The following MCHR2 variants were observed in gnomAD, a reference collection of about 807,000 sequenced individuals.
MCHR2 encodes melanin concentrating hormone receptor 2, also known as melanin-concentrating hormone receptor 2.
MCHR2 carries 15 observed loss-of-function variants against 24.8 expected under a neutral mutation model. The observed-to-expected ratio is 0.60, with a 90% confidence interval of 0.40 to 0.93. The LOEUF (loss-of-function observed/expected upper bound fraction) is 0.93. Among genes scored for constraint, MCHR2 ranks in the 40% least tolerant of loss-of-function variants. MCHR2 has a pLI of 0.00. For synonymous variants in MCHR2, 151 were observed against 147.6 expected (o/e 1.02, Z -0.17); for missense variants, 386 against 408.7 (o/e 0.94, Z 0.48).
chr6:99,970,418 T>A (rs966812055), intron 1 of MCHR2, among the ~76,000 whole-genome samples: 4 of 152,226 alleles, frequency 2.6e-5, no homozygotes, highest in African/African-American at 9.6e-5. Flanking sequence ...TTTGTTTTTT[T>A]CTTGTAAATT....
chr6:99,968,211 A>T (rs1192063064), intron 1 of MCHR2, among the ~76,000 whole-genome samples: 1 of 152,156 alleles, frequency 6.6e-6, no homozygotes, highest in Non-Finnish European at 1.5e-5. Context: ...TGAGTTGTGA[A>T]CCAAGACAGG....
At chr6:99,946,632 C>A (rs1337113298) in intron 3 of MCHR2, among the ~76,000 whole-genome samples, 1 of 152,006 alleles carries the variant, frequency 6.6e-6, no homozygotes, top group Non-Finnish European at 1.5e-5. Context: ...ATTGGTGGAC[C>A]AAGACCCTGC....
chr6:99,923,890 T>G (rs902744034), intron 5 of MCHR2, among the ~76,000 whole-genome samples: 3 of 152,126 alleles, frequency 2.0e-5, no homozygotes, highest in Non-Finnish European at 4.4e-5. Context: ...TTGTTGTGTC[T>G]TTGTCTGATT....
chr6:99,959,065 A>C (rs1775126417), intron 1 of MCHR2, among the ~76,000 whole-genome samples: 2 of 152,038 alleles, frequency 1.3e-5, no homozygotes, highest in Non-Finnish European at 2.9e-5. Context: ...GCATATATGC[A>C]GTGTTCTGGC....
At chr6:99,973,898 T>C (rs1192462679) in intron 1 of MCHR2, among the ~76,000 whole-genome samples, 1 of 152,232 alleles carries the variant, frequency 6.6e-6, no homozygotes, top group Non-Finnish European at 1.5e-5. Context: ...CCCACTCTCT[T>C]CTGGCTTGTA....
chr6:99,957,939 C>G (rs560521662), intron 1 of MCHR2, among the ~76,000 whole-genome samples: 1 of 152,082 alleles, frequency 6.6e-6, no homozygotes, highest in Admixed American at 6.6e-5. Flanking sequence ...AGATTCAATG[C>G]AATTCCAATA....
At chr6:99,940,845 T>C (rs192966164) in intron 4 of MCHR2, among the ~76,000 whole-genome samples, 7 of 152,110 alleles carry the variant, frequency 4.6e-5, no homozygotes, top group African/African-American at 1.7e-4. Context: ...AAAGGAGATA[T>C]CCCGGAGGTG....
rs756955761 is a variant in MCHR2 at position 99,943,036 on chromosome 6, G to A, written c.500C>T (p.Pro167Leu). 3 of 1,613,202 alleles carry A rather than the reference G, an allele frequency of 1.9e-6. No individual in the cohort carries two copies. The highest frequency in any genetic ancestry group is 2.5e-6 in the Non-Finnish European group (3 of 1,179,410). ...LWAASFILAL[P>L]VWVYSKVIKF... ...GATGACCTTCGAGTAGACCCAGACA[G>A]GCAATGCCAGGATAAAGGAAGCTGC... The change falls in exon 4 of 6, where the codon CCT becomes CTT. Residue 167 changes from proline to leucine, a missense_variant. Transcript: ENST00000281806.
intron 3 of MCHR2, among the ~76,000 whole-genome samples, chr6:99,944,107 AG>A (rs1381835603): frequency 7.2e-5 from 11 of 152,340 alleles, no homozygotes; most frequent in Middle Eastern, 3.4e-3. Context: ...TAAGGAACTT[AG>A]GCTAGAAGCC....
chr6:99,928,683 A>G (rs1283773783), intron 5 of MCHR2, among the ~76,000 whole-genome samples: 1 of 152,172 alleles, frequency 6.6e-6, no homozygotes, highest in Non-Finnish European at 1.5e-5. Context: ...CAGTGGTGAT[A>G]TCCCCTTTAT....
chr6:99,934,433 A>G lies in MCHR2; in HGVS notation c.672T>C (p.Thr224=), dbSNP rs1774610616. 6.2e-7 allele frequency: 1 copy of G among 1,603,098 alleles called. No homozygotes were observed. The highest frequency in any genetic ancestry group is 8.5e-7 in the Non-Finnish European group (1 of 1,176,322). Residue 224 remains threonine, a synonymous_variant, in exon 5 of 6, where the codon ACT becomes ACC. Transcript: ENST00000281806. ...CCTTATTCTGTTGATACATCTCCCA[A>G]GTATAGCATAAAATTAAAATATAGC... ...LVCYILILCY[T]WEMYQQNKDA...
At chr6:99,953,666 G>A (rs1466132055) in intron 2 of MCHR2, among the ~76,000 whole-genome samples, 2 of 147,564 alleles carry the variant, frequency 1.4e-5, no homozygotes, top group African/African-American at 5.0e-5. Flanking sequence ...ACTAGAATAT[G>A]AACTTTTTAG....
At chr6:99,971,597 G>C (rs1315314256) in intron 1 of MCHR2, among the ~76,000 whole-genome samples, 1 of 152,074 alleles carries the variant, frequency 6.6e-6, no homozygotes, top group Non-Finnish European at 1.5e-5. Context: ...CCAACACTAT[G>C]TTGAATGGGA....
intron 1 of MCHR2, among the ~76,000 whole-genome samples, chr6:99,982,727 T>A (rs1775695413): frequency 6.6e-6 from 1 of 152,096 alleles, no homozygotes; most frequent in Admixed American, 6.6e-5. Flanking sequence ...AGAAGTGGAT[T>A]TTTCCATTTC....
chr6:99,918,675 C>T lies in MCHR2; in HGVS notation c.*2265G>A, dbSNP rs769851591. ...TTTGAAAGTAAACATGTATACATAT[C>T]ATGGCCAAACATAGAAAACACACAA... On this transcript the variant is annotated 3_prime_UTR_variant, in exon 6 of 6. Coordinates refer to ENST00000281806, the MANE Select transcript of MCHR2 (RefSeq NM_001040179.2). Among the ~76,000 whole-genome samples the T allele has an allele frequency of 2.2e-4, 33 of 152,198 alleles. No homozygotes were observed. Among genetic ancestry groups the T allele is most frequent in the Non-Finnish European group, 4.1e-4 (28 of 68,018 alleles).
At chr6:99,943,188 A>C (rs1438323388) in intron 3 of MCHR2, 45 bp from the exon 4 acceptor site, 2 of 1,501,374 alleles carry the variant, frequency 1.3e-6, no homozygotes, top group Non-Finnish European at 1.8e-6. Flanking sequence ...CAATAAAAGC[A>C]CTGAGCTCCA....
At chr6:99,983,703 C>A (rs1775717295) in intron 1 of MCHR2, among the ~76,000 whole-genome samples, 1 of 150,464 alleles carries the variant, frequency 6.6e-6, no homozygotes, top group Non-Finnish European at 1.5e-5. Flanking sequence ...CTTCTCTTGA[C>A]TTCCTTGACA....
chr6:99,988,115 T>C (rs1011854457), intron 1 of MCHR2, among the ~76,000 whole-genome samples: 1 of 152,180 alleles, frequency 6.6e-6, no homozygotes, highest in Non-Finnish European at 1.5e-5. Flanking sequence ...TGTAAATCAT[T>C]TGGGCTGTCT....
chr6:99,969,551 A>ATTTTTTCTT (rs1479937132), intron 1 of MCHR2, among the ~76,000 whole-genome samples: 4 of 150,574 alleles, frequency 2.7e-5, no homozygotes. Context: ...TGAGTAAAGC[A>ATTTTTTCTT]TTTTTTCTTT....
Sources: gnomAD v4.1 joint callset for allele counts (sites outside exome capture counted in the v4.1 genomes callset) on GRCh38, gnomAD v4.1.1 for gene constraint, MANE v1.5 for transcripts, NCBI Gene and HGNC (gene_info 2026-07-23, HGNC 2026-07-21) for gene names.